The following SUPT3H variants were observed in gnomAD, a reference collection of about 807,000 sequenced individuals.
The protein encoded by SUPT3H is transcription initiation protein SPT3 homolog.
A neutral mutation model predicts 44.3 loss-of-function variants in SUPT3H; 44 were observed. The ratio of observed to expected loss-of-function variants is 0.99; its 90% CI spans 0.78 to 1.28. The LOEUF is 1.28. SUPT3H is among the 50% of genes most tolerant of loss of function. The probability of loss-of-function intolerance (pLI) is 0.00; values close to 1 mark genes in which losing one functional copy is unlikely to be tolerated. For synonymous variants in SUPT3H, 124 were observed against 125.6 expected (o/e 0.99, Z 0.09); for missense variants, 380 against 387.1 (o/e 0.98, Z 0.15).
At chr6:45,137,604 T>A (rs1358848695) in intron 2 of SUPT3H, among the ~76,000 whole-genome samples, 2 of 151,886 alleles carry the variant, frequency 1.3e-5, no homozygotes, top group African/African-American at 4.8e-5. Flanking sequence ...CAGCAGATTA[T>A]AACAAAGTTG....
intron 10 of SUPT3H, among the ~76,000 whole-genome samples, chr6:44,886,804 T>C (rs978828334): frequency 5.3e-5 from 8 of 152,232 alleles, no homozygotes; most frequent in African/African-American, 1.4e-4. Flanking sequence ...AATGCTCCAA[T>C]TAAAAGACAC....
intron 10 of SUPT3H, among the ~76,000 whole-genome samples, chr6:44,832,695 A>AT (rs755283089): frequency 3.6e-4 from 55 of 151,986 alleles, no homozygotes; most frequent in Admixed American, 8.5e-4. Flanking sequence ...CATAGTTCCC[A>AT]TTTTTTTTAA....
At chr6:44,865,686 G>A (rs12209076) in intron 10 of SUPT3H, among the ~76,000 whole-genome samples, 50,968 of 151,970 alleles carry the variant, frequency 0.34, 9,495 homozygotes, top group Admixed American at 0.41. Context: ...TCTCCCACTG[G>A]GTCTCTCCTA....
At chr6:44,939,198 G>A (rs939325785) in intron 9 of SUPT3H, among the ~76,000 whole-genome samples, 7 of 152,154 alleles carry the variant, frequency 4.6e-5, no homozygotes. Flanking sequence ...GATGTTGGCT[G>A]TGGGTTTGTA....
Position 44,889,368 on chromosome 6 carries a change from A to G in SUPT3H, c.912+43285T>C, listed in dbSNP as rs929904951. Among the ~76,000 whole-genome samples the G allele has an allele frequency of 2.0e-4, 30 of 152,338 alleles. 1 individual carries two copies. The highest frequency in any genetic ancestry group is 3.4e-4 in the Non-Finnish European group (23 of 68,036). ...ATCACGCTACCTGACTTCAAACTAT[A>G]CTACAAGGCTACAGTAACCAAAACA... is the stretch of plus-strand genomic sequence containing the variant. On this transcript the variant is annotated intron_variant, in intron 10 of 10. Transcript: ENST00000371459.
intron 2 of SUPT3H, among the ~76,000 whole-genome samples, chr6:45,279,926 G>A (rs1777681250): frequency 6.6e-6 from 1 of 151,990 alleles, no homozygotes; most frequent in African/African-American, 2.4e-5. Context: ...TAATATACCT[G>A]CTCTACTTGC....
At chr6:45,081,925 C>T (rs1041614916) in intron 3 of SUPT3H, among the ~76,000 whole-genome samples, 2 of 152,062 alleles carry the variant, frequency 1.3e-5, no homozygotes, top group African/African-American at 4.8e-5. Flanking sequence ...AAATGCAATG[C>T]ATTAGTTTTA....
chr6:44,906,846 T>C (rs1279759992), intron 10 of SUPT3H, among the ~76,000 whole-genome samples: 2 of 152,242 alleles, frequency 1.3e-5, no homozygotes, highest in Non-Finnish European at 2.9e-5. Flanking sequence ...GTTCTCCTGC[T>C]CTTGGCCATT....
Position 45,315,719 on chromosome 6 carries a change from GA to G in SUPT3H, c.101+49481del, listed in dbSNP as rs554830030. Reference sequence around the variant, plus strand: ...ACAAGCTGCTATGGAAAACAGTGTGGAAACTCCTTAAAGAACTAAAAGTAGA... The same window carrying G: ...ACAAGCTGCTATGGAAAACAGTGTGGAACTCCTTAAAGAACTAAAAGTAGA... On this transcript the variant is annotated intron_variant, in intron 2 of 10. Transcript: ENST00000371459. 9.0e-3 allele frequency among the ~76,000 whole-genome samples: 1,363 copies of G among 152,202 alleles called. 13 individuals carry two copies. The highest frequency in any genetic ancestry group is 0.025 in the South Asian group (119 of 4,814).
chr6:44,827,904 T>TG lies in SUPT3H; in HGVS notation c.*1911_*1912insC, dbSNP rs1767941570. On this transcript the variant is annotated 3_prime_UTR_variant, in exon 11 of 11. Transcript: ENST00000371459. ...TATAAATAATTACCTGTCAGACTGT[T>TG]CAAGATAGACAAACATATGCCAGAC... Among the ~76,000 whole-genome samples, 1 of 152,062 alleles carries TG rather than the reference T, an allele frequency of 6.6e-6. No individual in the cohort carries two copies. Among genetic ancestry groups the TG allele is most frequent in the Non-Finnish European group, 1.5e-5 (1 of 67,958 alleles).
At chr6:45,111,749 A>G (rs999186896) in intron 2 of SUPT3H, among the ~76,000 whole-genome samples, 4 of 152,140 alleles carry the variant, frequency 2.6e-5, no homozygotes, top group African/African-American at 9.7e-5. Flanking sequence ...CATGAGAGTC[A>G]GTGGATGAGT....
At chr6:45,230,307 C>A (rs867933203) in intron 2 of SUPT3H, among the ~76,000 whole-genome samples, 1 of 151,986 alleles carries the variant, frequency 6.6e-6, no homozygotes, top group Non-Finnish European at 1.5e-5. Flanking sequence ...GATGACCTGC[C>A]TAATGGTGAG....
intron 2 of SUPT3H, among the ~76,000 whole-genome samples, chr6:45,240,483 A>T (rs1397691353): frequency 6.6e-6 from 1 of 152,214 alleles, no homozygotes; most frequent in Non-Finnish European, 1.5e-5. Flanking sequence ...TACCATAATA[A>T]ATCTGCTCCT....
intron 2 of SUPT3H, among the ~76,000 whole-genome samples, chr6:45,322,194 C>T (rs1352186971): frequency 8.6e-5 from 13 of 151,768 alleles, no homozygotes; most frequent in African/African-American, 3.1e-4. Flanking sequence ...TTTTATAGTT[C>T]ATTAAGCTGA....
At chr6:45,070,466 G>A (rs972434560) in intron 3 of SUPT3H, among the ~76,000 whole-genome samples, 12 of 152,030 alleles carry the variant, frequency 7.9e-5, no homozygotes, top group Non-Finnish European at 1.0e-4. Context: ...TGCTTTGGCC[G>A]GGCATGGTGG....
At chr6:45,052,176 G>A (rs987412988) in intron 3 of SUPT3H, among the ~76,000 whole-genome samples, 5 of 152,200 alleles carry the variant, frequency 3.3e-5, no homozygotes, top group African/African-American at 4.8e-5. Context: ...TTTGAAGAGA[G>A]TCGGTGATAG....
chr6:45,109,082 C>T (rs758852953), intron 2 of SUPT3H, among the ~76,000 whole-genome samples: 2 of 152,018 alleles, frequency 1.3e-5, no homozygotes, highest in African/African-American at 4.8e-5. Context: ...GGTAAAGAGA[C>T]AGGAATAGTC....
At chr6:45,012,528 TCTTTA>T (rs1395150646) in intron 5 of SUPT3H, among the ~76,000 whole-genome samples, 4 of 152,074 alleles carry the variant, frequency 2.6e-5, no homozygotes, top group African/African-American at 7.2e-5. Flanking sequence ...CTATTGATAC[TCTTTA>T]CTTTGTGAGA....
rs73735317 is a variant in SUPT3H, at chr6:45,231,790, C to T, written c.102-125784G>A. Among the ~76,000 whole-genome samples the T allele has an allele frequency of 6.0e-3, 917 of 152,218 alleles. 14 individuals are homozygous for T. Among genetic ancestry groups the T allele is most frequent in the African/African-American group, 0.021 (875 of 41,548 alleles). On this transcript the variant is annotated intron_variant, in intron 2 of 10. Transcript: ENST00000371459. ...ATGAACACTTTGTTCATCCTTTACT[C>T]CTTTTATTTTTGTCTAAGTGGATTA...
Sources: gnomAD v4.1 joint callset for allele counts (sites outside exome capture counted in the v4.1 genomes callset) on GRCh38, gnomAD v4.1.1 for gene constraint, MANE v1.5 for transcripts, NCBI Gene and HGNC (gene_info 2026-07-23, HGNC 2026-07-21) for gene names.